The following BMPER variants were observed in gnomAD, a reference collection of about 807,000 sequenced individuals.
BMPER encodes the protein BMP-binding endothelial regulator protein.
A neutral mutation model predicts 87.3 loss-of-function variants in BMPER; 45 were observed. The observed-to-expected ratio is 0.52, with a 90% CI of 0.41 to 0.66. The LOEUF (loss-of-function observed/expected upper bound fraction) is 0.66, where lower values mean the gene tolerates loss of function less well. BMPER is among the 30% of genes least tolerant of loss of function. BMPER has a pLI of 0.00. For synonymous variants in BMPER, 326 were observed against 316.2 expected (o/e 1.03, Z -0.33); for missense variants, 784 against 867.5 (o/e 0.90, Z 1.21).
intron 11 of BMPER, among the ~76,000 whole-genome samples, chr7:34,071,857 C>T (rs1475692900): frequency 6.6e-6 from 1 of 152,156 alleles, no homozygotes; most frequent in Non-Finnish European, 1.5e-5. Flanking sequence ...TAGGTGTTCC[C>T]AGACTCCTAG....
At chr7:34,005,252 G>A (rs995907595) in intron 6 of BMPER, among the ~76,000 whole-genome samples, 3 of 152,014 alleles carry the variant, frequency 2.0e-5, no homozygotes, top group African/African-American at 4.8e-5. Flanking sequence ...GGATTTCAAA[G>A]CTACTATGAT....
chr7:34,104,180 T>C (rs1789757220), intron 13 of BMPER, among the ~76,000 whole-genome samples: 1 of 152,220 alleles, frequency 6.6e-6, no homozygotes, highest in African/African-American at 2.4e-5. Flanking sequence ...AAGCCTTTTC[T>C]CCAGCGAAAA....
chr7:33,974,891 G>C, intron 6 of BMPER, 107 bp downstream of exon 6: 1 of 1,139,674 alleles, frequency 8.8e-7, no homozygotes, highest in South Asian at 1.3e-5. Context: ...CTCCTCTCTG[G>C]GTAAAAGTCC....
At chr7:34,031,882 CCATATATATA>C (rs1375241988) in intron 6 of BMPER, among the ~76,000 whole-genome samples, 54 of 64,136 alleles carry the variant, frequency 8.4e-4, no homozygotes, top group African/African-American at 3.7e-3. Flanking sequence ...ATTAATTTGA[CCATATATATA>C]TATATATATA....
intron 11 of BMPER, among the ~76,000 whole-genome samples, chr7:34,073,046 T>G (rs948905970): frequency 2.0e-5 from 3 of 152,242 alleles, no homozygotes; most frequent in Non-Finnish European, 4.4e-5. Context: ...ACCTGCTGTA[T>G]GTGTCATTAC....
At chr7:34,101,394 C>T (rs1334159595) in intron 13 of BMPER, among the ~76,000 whole-genome samples, 2 of 152,178 alleles carry the variant, frequency 1.3e-5, no homozygotes, top group Non-Finnish European at 2.9e-5. Context: ...CGGACTGTCA[C>T]CTGTGTGTCA....
At chr7:33,931,572 A>G (rs1322047452) in intron 2 of BMPER, among the ~76,000 whole-genome samples, 5 of 152,210 alleles carry the variant, frequency 3.3e-5, no homozygotes, top group Admixed American at 3.3e-4. Context: ...AGTGCTAAAA[A>G]GTTCTCTTGG....
chr7:34,089,482 T>TTTTA, intron 13 of BMPER, among the ~76,000 whole-genome samples: 1 of 152,234 alleles, frequency 6.6e-6, no homozygotes, highest in East Asian at 1.9e-4. Context: ...GTTTATTTTA[T>TTTTA]TTTATTTATT....
chr7:33,990,569 A>C (rs1786179879), intron 6 of BMPER, among the ~76,000 whole-genome samples: 1 of 151,556 alleles, frequency 6.6e-6, no homozygotes. Context: ...AAACAGGGAC[A>C]ATTTGACTTC....
intron 11 of BMPER, among the ~76,000 whole-genome samples, chr7:34,074,830 A>G (rs546905846): frequency 6.6e-6 from 1 of 152,342 alleles, no homozygotes; most frequent in Non-Finnish European, 1.5e-5. Flanking sequence ...TAGAAAATCA[A>G]ATTTCATGTA....
At chr7:34,074,738 G>A (rs770006294) in intron 11 of BMPER, among the ~76,000 whole-genome samples, 5 of 152,268 alleles carry the variant, frequency 3.3e-5, no homozygotes, top group Admixed American at 6.5e-5. Context: ...AATGGACTAA[G>A]GATAGAAGTT....
chr7:34,100,138 G>A (rs1400707814), intron 13 of BMPER, among the ~76,000 whole-genome samples: 1 of 152,102 alleles, frequency 6.6e-6, no homozygotes, highest in African/African-American at 2.4e-5. Flanking sequence ...ACGATTACAG[G>A]GGTGAGATAA....
In BMPER at chr7:34,143,360, G is replaced by A. The variant is rs749033913; in HGVS notation, c.1876G>A (p.Ala626Thr). 2 of 1,613,868 alleles carry A rather than the reference G, an allele frequency of 1.2e-6. No homozygotes were observed. The highest frequency in any genetic ancestry group is 1.7e-6 in the Non-Finnish European group (2 of 1,179,866). Reference protein sequence around the residue: ...VHWEPQQNCAATQCKHGAVYD... With the variant: ...VHWEPQQNCATTQCKHGAVYD... Reference sequence around the variant, plus strand: ...CTGGGAGCCTCAGCAGAATTGTGCAGGTAAGAAAGTCCTGCTGGATCTACC... The same window carrying A: ...CTGGGAGCCTCAGCAGAATTGTGCAAGTAAGAAAGTCCTGCTGGATCTACC... Residue 626 changes from alanine (A) to threonine (T), a missense_variant and splice_region_variant, in exon 14 of 15, where the codon GCC (alanine) becomes ACC (threonine). Transcript: ENST00000649409.
intron 6 of BMPER, among the ~76,000 whole-genome samples, chr7:33,986,865 A>G (rs907360126): frequency 1.3e-5 from 2 of 152,100 alleles, no homozygotes; most frequent in African/African-American, 4.8e-5. Context: ...TAGCCAGATA[A>G]CTTCATTTAA....
chr7:34,071,479 T>C (rs552135908), intron 11 of BMPER, among the ~76,000 whole-genome samples: 1 of 152,330 alleles, frequency 6.6e-6, no homozygotes, highest in South Asian at 2.1e-4. Flanking sequence ...AATAATATGC[T>C]CAATGACTGC....
chr7:33,920,707 G>A (rs1012700172), intron 2 of BMPER, among the ~76,000 whole-genome samples: 4 of 151,994 alleles, frequency 2.6e-5, no homozygotes, highest in African/African-American at 7.3e-5. Context: ...TTACAGGCGT[G>A]AGCCATCGCA....
intron 6 of BMPER, among the ~76,000 whole-genome samples, chr7:34,027,947 A>G (rs1787401527): frequency 6.6e-6 from 1 of 152,104 alleles, no homozygotes; most frequent in Non-Finnish European, 1.5e-5. Flanking sequence ...TGACTGATGC[A>G]TGCTGTTACA....
At chr7:34,041,548 A>G (rs1787832847) in intron 6 of BMPER, among the ~76,000 whole-genome samples, 1 of 152,204 alleles carries the variant, frequency 6.6e-6, no homozygotes, top group African/African-American at 2.4e-5. Context: ...GTTCTAGGCC[A>G]AAGTAAGGCA....
chr7:34,033,406 A>G (rs1195697731), intron 6 of BMPER, among the ~76,000 whole-genome samples: 5 of 152,162 alleles, frequency 3.3e-5, no homozygotes, highest in Admixed American at 2.0e-4. Context: ...TGGCAACCAC[A>G]TGTAGTACCA....
Sources: gnomAD v4.1 joint callset for allele counts (sites outside exome capture counted in the v4.1 genomes callset) on GRCh38, gnomAD v4.1.1 for gene constraint, MANE v1.5 for transcripts, NCBI Gene and HGNC (gene_info 2026-07-23, HGNC 2026-07-21) for gene names.